The following SYT14 variants were observed in gnomAD, a reference collection of about 807,000 sequenced individuals.
SYT14 encodes synaptotagmin-14.
Under a neutral mutation model 74.2 loss-of-function variants are expected in SYT14, and 32 were observed. The observed-to-expected ratio is 0.43, with a 90% CI of 0.33 to 0.58. The LOEUF (loss-of-function observed/expected upper bound fraction) is 0.58, where lower values mean the gene tolerates loss of function less well. Among genes scored for constraint, SYT14 ranks in the 20% least tolerant of loss-of-function variants. SYT14 has a pLI of 0.05. For synonymous variants in SYT14, 298 were observed against 337.7 expected (o/e 0.88, Z 1.29); for missense variants, 791 against 981.8 (o/e 0.81, Z 2.60).
At chr1:210,105,228 A>G (rs2082138038) in intron 7 of SYT14, among the ~76,000 whole-genome samples, 1 of 152,162 alleles carries the variant, frequency 6.6e-6, no homozygotes, top group Non-Finnish European at 1.5e-5. Flanking sequence ...ACTGCTTTTG[A>G]CCAGGGTTTG....
chr1:210,098,672 C>G (rs1049813598), intron 6 of SYT14, among the ~76,000 whole-genome samples: 1 of 151,476 alleles, frequency 6.6e-6, no homozygotes, highest in Non-Finnish European at 1.5e-5. Context: ...GAAGTATAGT[C>G]TCTTGTGGAC....
exon 4 of SYT14, chr1:210,016,740 A>C: frequency 8.1e-7 from 1 of 1,231,902 alleles, no homozygotes; most frequent in Non-Finnish European, 1.0e-6. Flanking sequence ...GGGCATTTCA[A>C]TAAATGTAAA....
chr1:210,035,164 C>T (rs559227421), intron 5 of SYT14, among the ~76,000 whole-genome samples: 1 of 151,730 alleles, frequency 6.6e-6, no homozygotes, highest in East Asian at 1.9e-4. Context: ...AATAGTCATT[C>T]TGACTGGTGT....
At chr1:210,164,776 TTTGAG>T (rs745352617) in exon 10 of SYT14, 1 of 152,140 alleles carries the variant, frequency 6.6e-6, no homozygotes, top group African/African-American at 2.4e-5. Context: ...TATATAGTTA[TTTGAG>T]TTATCACTAT....
chr1:209,948,055 A>C (rs953923024), intron 1 of SYT14, among the ~76,000 whole-genome samples: 3 of 152,242 alleles, frequency 2.0e-5, no homozygotes, highest in Non-Finnish European at 4.4e-5. Flanking sequence ...ACTACAGTCT[A>C]GTGTAAACAT....
At chr1:210,160,994 G>A (rs2083362931) in exon 10 of SYT14, 3 of 1,613,868 alleles carry the variant, frequency 1.9e-6, no homozygotes, top group South Asian at 2.2e-5. Context: ...AAATGAAAGA[G>A]TCAAAAGGAC....
intron 2 of SYT14, among the ~76,000 whole-genome samples, chr1:210,002,173 A>T (rs1345535006): frequency 2.6e-5 from 4 of 152,192 alleles, no homozygotes; most frequent in African/African-American, 9.7e-5. Flanking sequence ...TTGAAACAAA[A>T]TGAAGAATAA....
chr1:210,095,879 T>G lies in SYT14; in HGVS notation c.1584+1286T>G, dbSNP rs1049485564. Among the ~76,000 whole-genome samples the G allele has an allele frequency of 2.0e-5, 3 of 152,324 alleles. No individual in the cohort carries two copies. In the East Asian group the frequency reaches 5.8e-4, roughly 29 times the overall value. The stretch of plus-strand genomic sequence containing the variant: ...ATCATTATTTTATGATTTTTCATGA[T>G]GAATGTTTCTTTGTGTTCCATTACC... On this transcript the variant is annotated intron_variant, in intron 6 of 9. Coordinates refer to ENST00000637265, the Ensembl canonical transcript of SYT14.
chr1:210,121,668 C>T (rs961859802), intron 7 of SYT14, among the ~76,000 whole-genome samples: 3 of 151,904 alleles, frequency 2.0e-5, no homozygotes, highest in Non-Finnish European at 2.9e-5. Context: ...GTGGCGGGCG[C>T]CTGTAGTCCC....
chr1:209,970,662 C>CTTTTTTTTTTTT lies in SYT14; in HGVS notation c.-486+17934_-486+17945dup, dbSNP rs35639848. ...TTACAGATTGCTTTGGGCAGTATGGCTTTTTTTTTTTTTTTTTTTTTTTTT... is the reference window on the plus strand; with the variant it reads ...TTACAGATTGCTTTGGGCAGTATGGCTTTTTTTTTTTTTTTTTTTTTTTTTTTTTTTTTTTTT... On this transcript the variant is annotated intron_variant, in intron 2 of 9. Coordinates refer to ENST00000637265, the Ensembl canonical transcript of SYT14. 4.5e-4 allele frequency among the ~76,000 whole-genome samples: 28 copies of CTTTTTTTTTTTT among 62,806 alleles called. 6 individuals are homozygous for CTTTTTTTTTTTT. The highest frequency in any genetic ancestry group is 1.2e-3 in the South Asian group (2 of 1,614). 41.2% of individuals were successfully genotyped at this position (62,806 alleles called of 152,430 possible).
chr1:210,074,343 C>T (rs1473196047), intron 5 of SYT14, among the ~76,000 whole-genome samples: 1 of 152,164 alleles, frequency 6.6e-6, no homozygotes, highest in Non-Finnish European at 1.5e-5. Context: ...AAGTTGTCCA[C>T]AGTCACATAG....
chr1:210,155,047 C>T (rs11119423), intron 7 of SYT14, among the ~76,000 whole-genome samples: 38,787 of 151,912 alleles, frequency 0.26, 5,964 homozygotes, highest in East Asian at 0.42. Flanking sequence ...CTTTCTAGTT[C>T]TGGCCATTTT....
rs913417652 is a variant in SYT14, at chr1:210,031,070, C to T, written c.1312+9816C>T. Reference sequence around the variant, plus strand: ...TCTCCTGAGTAACTAGGACTACAGGCGTGCACCACCATGCCTGTCTTTTTT... The same window carrying T: ...TCTCCTGAGTAACTAGGACTACAGGTGTGCACCACCATGCCTGTCTTTTTT... On this transcript the variant is annotated intron_variant, in intron 5 of 9. Coordinates refer to ENST00000637265, the Ensembl canonical transcript of SYT14. 5.5e-5 allele frequency among the ~76,000 whole-genome samples: 8 copies of T among 145,894 alleles called. 1 individual carries two copies. Among genetic ancestry groups the T allele is most frequent in the Non-Finnish European group, 1.0e-4 (7 of 66,738 alleles).
intron 1 of SYT14, among the ~76,000 whole-genome samples, chr1:209,948,377 A>T (rs2102665175): frequency 6.6e-6 from 1 of 152,316 alleles, no homozygotes; most frequent in East Asian, 1.9e-4. Flanking sequence ...GTGCCCACAC[A>T]CATCTATTTT....
chr1:210,060,060 T>C (rs1039979254), intron 5 of SYT14, among the ~76,000 whole-genome samples: 7 of 152,148 alleles, frequency 4.6e-5, no homozygotes, highest in African/African-American at 1.4e-4. Context: ...TGTTTCAGCA[T>C]TGGAATTATA....
chr1:210,093,318 G>A (rs1318249644), intron 5 of SYT14, among the ~76,000 whole-genome samples: 1 of 151,884 alleles, frequency 6.6e-6, no homozygotes, highest in African/African-American at 2.4e-5. Flanking sequence ...ACAAACTACT[G>A]TTTCAGGGTC....
intron 5 of SYT14, among the ~76,000 whole-genome samples, chr1:210,058,257 C>CT (rs1558159457): frequency 2.0e-5 from 3 of 152,154 alleles, no homozygotes; most frequent in Admixed American, 6.5e-5. Context: ...AAATATCAGT[C>CT]TAACTGCTGT....
chr1:209,990,305 A>C (rs936575179), intron 2 of SYT14, among the ~76,000 whole-genome samples: 12 of 151,822 alleles, frequency 7.9e-5, no homozygotes, highest in African/African-American at 2.7e-4. Context: ...GGAGATGGCT[A>C]AGTTTAGAAA....
intron 7 of SYT14, among the ~76,000 whole-genome samples, chr1:210,147,241 G>T (rs1344641465): frequency 6.6e-6 from 1 of 151,936 alleles, no homozygotes; most frequent in Non-Finnish European, 1.5e-5. Flanking sequence ...CTTCTAGAAT[G>T]AAAAAGTCAT....
Sources: gnomAD v4.1 joint callset for allele counts (sites outside exome capture counted in the v4.1 genomes callset) on GRCh38, gnomAD v4.1.1 for gene constraint, MANE v1.5 for transcripts, NCBI Gene and HGNC (gene_info 2026-07-23, HGNC 2026-07-21) for gene names.